Variants in PCDHA3 observed in about 807,000 individuals in gnomAD.
The protein encoded by PCDHA3 is protocadherin alpha 3.
Under a neutral mutation model 62.2 loss-of-function variants are expected in PCDHA3, and 41 were observed. The observed-to-expected ratio is 0.66, with a 90% CI of 0.51 to 0.86. PCDHA3 has a LOEUF of 0.86. Among genes scored for constraint, PCDHA3 ranks in the 40% least tolerant of loss-of-function variants. The probability of loss-of-function intolerance (pLI) is 0.00; values close to 1 mark genes in which losing one functional copy is unlikely to be tolerated. For synonymous variants in PCDHA3, 640 were observed against 555.4 expected, an observed-to-expected ratio of 1.15 and a Z score of -2.14; for missense variants, 1,304 against 1,241.2, an observed-to-expected ratio of 1.05 and a Z score of -0.76.
chr5:140,927,191 T>G, intron 1 of PCDHA3: 1 of 1,614,144 alleles, frequency 6.2e-7, no homozygotes. Flanking sequence ...TACGACCTGG[T>G]GCTCGAGGAC....
chr5:140,840,467 A>G (rs1269068872), intron 1 of PCDHA3, among the ~76,000 whole-genome samples: 8 of 152,088 alleles, frequency 5.3e-5, no homozygotes, highest in East Asian at 1.9e-4. Flanking sequence ...AAAGTTGGGG[A>G]AAAAAGTTTA....
chr5:140,836,911 T>C (rs1774807793), intron 1 of PCDHA3: 1 of 572,226 alleles, frequency 1.7e-6, no homozygotes, highest in Non-Finnish European at 2.9e-6. Context: ...AATATACACT[T>C]TTGTTTTGGG....
In PCDHA3 at chr5:140,802,762, C is replaced by T. The variant is rs782384957; in HGVS notation, c.1565C>T (p.Pro522Leu). 2.5e-6 allele frequency: 4 copies of T among 1,612,708 alleles called. No homozygotes were observed. Among genetic ancestry groups the T allele is most frequent in the East Asian group, 4.5e-5 (2 of 44,894 alleles). ...AGCGGCAAGGTGTACGCGCTGCAGCCGCTGGACCACGAGGAGCTAGAGCTG... is the reference window on the plus strand; with the variant it reads ...AGCGGCAAGGTGTACGCGCTGCAGCTGCTGGACCACGAGGAGCTAGAGCTG... Reference protein sequence around the residue: ...AESGKVYALQPLDHEELELLQ... With the variant: ...AESGKVYALQLLDHEELELLQ... Residue 522 changes from proline to leucine, a missense_variant, in exon 1 of 4, where the codon CCG becomes CTG. Pro to Leu is a moderately conservative substitution (Grantham distance 98). Transcript: ENST00000522353.
intron 1 of PCDHA3, chr5:140,868,929 AG>A: frequency 9.3e-7 from 1 of 1,070,938 alleles, no homozygotes; most frequent in Non-Finnish European, 1.3e-6. Context: ...GTTCATTTAA[AG>A]GTTGGTCTGA....
chr5:140,823,376 T>C (rs2150125148), intron 1 of PCDHA3: 16 of 1,612,654 alleles, frequency 9.9e-6, no homozygotes, highest in Non-Finnish European at 1.4e-5. Context: ...CAGTTCCAGG[T>C]GAGCGCGCGC....
chr5:140,869,766 G>T, intron 1 of PCDHA3: 1 of 1,613,210 alleles, frequency 6.2e-7, no homozygotes, highest in Non-Finnish European at 8.5e-7. Context: ...GAAAACCAGA[G>T]CTTACTGGCA....
intron 1 of PCDHA3, chr5:140,817,417 A>T (rs1766134744): frequency 6.6e-6 from 1 of 152,228 alleles, no homozygotes; most frequent in South Asian, 2.1e-4. Context: ...TTGAGTTGGT[A>T]TACCTGTGGA....
At chr5:140,822,402 A>G (rs2150116110) in intron 1 of PCDHA3, 3 of 1,614,150 alleles carry the variant, frequency 1.9e-6, no homozygotes, top group Non-Finnish European at 2.5e-6. Context: ...AACACCGTTT[A>G]TTAGTGATTG....
chr5:140,967,472 G>C (rs782183935), intron 1 of PCDHA3: 3 of 1,613,430 alleles, frequency 1.9e-6, no homozygotes, highest in Non-Finnish European at 2.5e-6. Flanking sequence ...GGGCATCCCA[G>C]CCCGCTCGGG....
intron 1 of PCDHA3, among the ~76,000 whole-genome samples, chr5:140,920,858 A>G (rs1182817298): frequency 6.6e-6 from 1 of 151,604 alleles, no homozygotes; most frequent in Non-Finnish European, 1.5e-5. Flanking sequence ...AAAAAAAAAA[A>G]CAAACAAACT....
rs781995177 is a variant in PCDHA3 at position 140,857,719 on chromosome 5, G to T, written c.2394+54128G>T. 3.8e-6 allele frequency: 6 copies of T among 1,597,526 alleles called. No homozygotes were observed. The South Asian group carries it at 5.5e-5, about 15-fold the overall frequency. The stretch of plus-strand genomic sequence containing the variant: ...CGCTGCAGGTGTTCGTGCTGGACGA[G>T]AACGACAACGCTCCCGCGCTGCTGG... On this transcript the variant is annotated intron_variant, in intron 1 of 3. Transcript: ENST00000522353.
At position 140,953,880 on chromosome 5, in the gene PCDHA3, C is replaced by T. The variant is rs56350351; in HGVS notation, c.2395-25069C>T. On this transcript the variant is annotated intron_variant, in intron 1 of 3. Coordinates refer to ENST00000522353, the MANE Select transcript of PCDHA3 (RefSeq NM_018906.3). ...TGGTGGTTTGCTGCACAGATCAACCCATCACCTAGGTATTAAGCCCAGCAT... is the reference window on the plus strand; with the variant it reads ...TGGTGGTTTGCTGCACAGATCAACCTATCACCTAGGTATTAAGCCCAGCAT... Among the ~76,000 whole-genome samples, 609 of 152,246 alleles carry T rather than the reference C, an allele frequency of 4.0e-3. 7 individuals are homozygous for T. Among genetic ancestry groups the T allele is most frequent in the African/African-American group, 0.014 (577 of 41,548 alleles).
chr5:140,882,213 T>C, intron 1 of PCDHA3: 2 of 1,538,576 alleles, frequency 1.3e-6, no homozygotes, highest in Non-Finnish European at 1.8e-6. Flanking sequence ...TGAGAGACAG[T>C]TTGAGGTAAG....
chr5:140,968,966 T>C (rs781901506), intron 1 of PCDHA3: 1 of 1,614,216 alleles, frequency 6.2e-7, no homozygotes, highest in East Asian at 2.2e-5. Context: ...GTGCTACCGC[T>C]ACACTGCGTA....
chr5:140,877,243 G>A lies in PCDHA3; in HGVS notation c.2394+73652G>A, dbSNP rs201483899. ...GCGGTCGGTGGGTGCGGGCCACGTG[G>A]TGGCGAAAGTGCGCGCGGTGGACGC... On this transcript the variant is annotated intron_variant, in intron 1 of 3. Transcript: ENST00000522353. The A allele has an allele frequency of 1.2e-5, 20 of 1,613,724 alleles. No individual in the cohort carries two copies. In the African/African-American group the frequency reaches 2.7e-4, roughly 22 times the overall value.
chr5:140,999,528 T>A (rs1414595805), intron 3 of PCDHA3, among the ~76,000 whole-genome samples: 1 of 152,080 alleles, frequency 6.6e-6, no homozygotes, highest in Non-Finnish European at 1.5e-5. Context: ...TGTTACCCCC[T>A]GGATATGACA....
chr5:140,846,369 CTTTCTTTTT>C lies in PCDHA3; in HGVS notation c.2394+42782_2394+42790del, dbSNP rs1780378875. Among the ~76,000 whole-genome samples the C allele has an allele frequency of 1.9e-4, 19 of 102,176 alleles. 2 individuals are homozygous for C. In the South Asian group the frequency reaches 2.3e-3, roughly 12 times the overall value. The allele number at this position is 102,176 out of a possible 152,430, so 67.0% of individuals were successfully genotyped here. On this transcript the variant is annotated intron_variant, in intron 1 of 3. Transcript: ENST00000522353. ...TTCTCTTTTTTCTTTTCTTTTCTTT[CTTTCTTTTT>C]TTTTTTTTTTTTTTGAGACGGAGTC...
In PCDHA3 at chr5:140,802,492, C is replaced by T; in HGVS notation, c.1295C>T (p.Ser432Leu). ...ELVVTARDGG[S>L]PSLWATASVS... ...GTGGTGACTGCTCGGGACGGGGGCTCGCCTTCACTGTGGGCCACGGCCAGC... is the reference window on the plus strand; with the variant it reads ...GTGGTGACTGCTCGGGACGGGGGCTTGCCTTCACTGTGGGCCACGGCCAGC... The change falls in exon 1 of 4, where the codon TCG becomes TTG. Residue 432 changes from serine (S) to leucine (L), a missense_variant. Physicochemically the swap from Ser to Leu is moderately radical, Grantham distance 145. Transcript: ENST00000522353. The T allele has an allele frequency of 1.2e-6, 2 of 1,614,136 alleles. No individual in the cohort carries two copies. Among genetic ancestry groups the T allele is most frequent in the Non-Finnish European group, 8.5e-7 (1 of 1,180,026 alleles).
chr5:140,847,580 C>T (rs1350641732), intron 1 of PCDHA3: 1 of 149,008 alleles, frequency 6.7e-6, no homozygotes, highest in African/African-American at 2.5e-5. Flanking sequence ...TAAGGATGAG[C>T]AATAATGAAA....
Sources: gnomAD v4.1 joint callset for allele counts (sites outside exome capture counted in the v4.1 genomes callset) on GRCh38, gnomAD v4.1.1 for gene constraint, MANE v1.5 for transcripts, NCBI Gene and HGNC (gene_info 2026-07-23, HGNC 2026-07-21) for gene names.